Variants in PKN2 observed in about 807,000 individuals in gnomAD.
The protein encoded by PKN2 is serine/threonine-protein kinase N2.
Under a neutral mutation model 119.1 loss-of-function variants are expected in PKN2, and 38 were observed. The ratio of observed to expected loss-of-function variants is 0.32; its 90% CI spans 0.25 to 0.42. The LOEUF is 0.42. Ranked by LOEUF, PKN2 falls within the 10% of genes least tolerant of loss-of-function variation. The probability of loss-of-function intolerance (pLI) is 1.00; values close to 1 mark genes in which losing one functional copy is unlikely to be tolerated. For missense variants in PKN2, 850 were observed against 1,165.1 expected, an observed-to-expected ratio of 0.73 and a Z score of 3.94; for synonymous variants, 390 against 384.9, an observed-to-expected ratio of 1.01 and a Z score of -0.15.
chr1:88,751,288 CACAT>C (rs960554772), intron 2 of PKN2, among the ~76,000 whole-genome samples: 3 of 151,962 alleles, frequency 2.0e-5, no homozygotes, highest in African/African-American at 4.8e-5. Flanking sequence ...CATATATACA[CACAT>C]ACACTCTGGT....
Position 88,801,472 on chromosome 1 carries a change from G to C in PKN2, c.1282-2919G>C, listed in dbSNP as rs547682321. On this transcript the variant is annotated intron_variant, in intron 8 of 21. Transcript: ENST00000370521. The stretch of plus-strand genomic sequence containing the variant: ...CTTCAGTCTATCTGTATGGTACCTT[G>C]TTTTTCAGATACCATGTGACTGTTT... Among the ~76,000 whole-genome samples, 146 of 152,294 alleles carry C rather than the reference G, an allele frequency of 9.6e-4. 1 individual carries two copies. The highest frequency in any genetic ancestry group is 1.9e-3 in the South Asian group (9 of 4,824).
At chr1:88,697,683 CATT>C (rs1381978673) in intron 1 of PKN2, among the ~76,000 whole-genome samples, 3 of 152,156 alleles carry the variant, frequency 2.0e-5, no homozygotes, top group Admixed American at 1.3e-4. Flanking sequence ...TCCAAGCTGT[CATT>C]GTTGTAGCCC....
At chr1:88,698,564 C>T (rs1666635168) in intron 1 of PKN2, among the ~76,000 whole-genome samples, 1 of 152,150 alleles carries the variant, frequency 6.6e-6, no homozygotes, top group Non-Finnish European at 1.5e-5. Flanking sequence ...TAGGCGCTTA[C>T]ATTGCTTAAC....
chr1:88,741,573 G>T (rs1668580761), intron 2 of PKN2, among the ~76,000 whole-genome samples: 1 of 152,040 alleles, frequency 6.6e-6, no homozygotes, highest in Admixed American at 6.6e-5. Context: ...TTAATGTTTT[G>T]TATTGAGTCA....
At chr1:88,796,171 A>C (rs989981539) in intron 8 of PKN2, among the ~76,000 whole-genome samples, 1 of 152,012 alleles carries the variant, frequency 6.6e-6, no homozygotes, top group African/African-American at 2.4e-5. Context: ...TTTTTTTCAG[A>C]TCTTAGAATC....
At chr1:88,767,203 T>A (rs893348907) in intron 3 of PKN2, among the ~76,000 whole-genome samples, 2 of 152,174 alleles carry the variant, frequency 1.3e-5, no homozygotes, top group Admixed American at 6.5e-5. Context: ...ATAATTTTAG[T>A]TTAATGCTTA....
At chr1:88,787,016 T>C (rs986702056) in intron 8 of PKN2, among the ~76,000 whole-genome samples, 1 of 145,356 alleles carries the variant, frequency 6.9e-6, no homozygotes, top group African/African-American at 2.5e-5. Flanking sequence ...CACCAAAACA[T>C]TTTTAAAGCA....
intron 2 of PKN2, among the ~76,000 whole-genome samples, chr1:88,742,609 A>G (rs1238585657): frequency 5.3e-5 from 8 of 152,086 alleles, no homozygotes; most frequent in African/African-American, 1.9e-4. Flanking sequence ...ACACTCTATA[A>G]TTATGTTATA....
chr1:88,801,061 C>T (rs765254899), intron 8 of PKN2, among the ~76,000 whole-genome samples: 30 of 152,182 alleles, frequency 2.0e-4, no homozygotes, highest in African/African-American at 6.3e-4. Flanking sequence ...AAATTGCCGG[C>T]GTACCAGCAA....
chr1:88,711,775 A>G (rs1382143297), intron 1 of PKN2, among the ~76,000 whole-genome samples: 2 of 152,178 alleles, frequency 1.3e-5, no homozygotes, highest in Non-Finnish European at 2.9e-5. Context: ...TCAAAGCTGG[A>G]GGGATAAAAT....
Position 88,784,132 on chromosome 1 carries a change from C to CTTTTTT in PKN2, c.986-490_986-485dup, listed in dbSNP as rs397862410. ...AGACAACTTTTGGGAGATGCTGTTC[C>CTTTTTT]TTTTTTTTTTTTTTTTTTTTTTGGA... On this transcript the variant is annotated intron_variant, in intron 6 of 21. Transcript: ENST00000370521. Among the ~76,000 whole-genome samples the CTTTTTT allele has an allele frequency of 8.5e-3, 879 of 103,916 alleles. 21 individuals carry two copies. The highest frequency in any genetic ancestry group is 0.017 in the African/African-American group (411 of 24,596). 68.2% of individuals were successfully genotyped at this position (103,916 alleles called of 152,430 possible). A position where few individuals can be genotyped will look rare whatever the true frequency, so the allele number is the denominator to read the frequency against.
At chr1:88,734,607 G>A (rs1668267351) in intron 1 of PKN2, among the ~76,000 whole-genome samples, 1 of 152,116 alleles carries the variant, frequency 6.6e-6, no homozygotes, top group Non-Finnish European at 1.5e-5. Flanking sequence ...TATGTAATGT[G>A]TTTTGAAGTC....
intron 3 of PKN2, among the ~76,000 whole-genome samples, chr1:88,763,350 G>A (rs887232574): frequency 1.3e-5 from 2 of 152,110 alleles, no homozygotes; most frequent in Non-Finnish European, 2.9e-5. Context: ...ACTCACGCCT[G>A]TAATCCCAGC....
intron 2 of PKN2, among the ~76,000 whole-genome samples, chr1:88,742,111 A>T (rs1355146053): frequency 1.3e-5 from 2 of 152,134 alleles, no homozygotes; most frequent in Non-Finnish European, 2.9e-5. Context: ...GTTTAAGCCA[A>T]GGCCTCAAGA....
In PKN2 at chr1:88,824,393, G is replaced by A. The variant is rs373456737; in HGVS notation, c.2419+7G>A. The A allele has an allele frequency of 3.6e-5, 55 of 1,520,148 alleles. No homozygotes were observed. The Middle Eastern group carries it at 5.1e-4, about 14-fold the overall frequency. The allele number at this position is 1,520,148 out of a possible 1,614,324, so 94.2% of individuals were successfully genotyped here. ...TTTGGTCTTTGCAAAGAAGGTAATC[G>A]AATGTTTTTAAGTTTCTTTTCTGAT... On this transcript the variant is annotated splice_region_variant and intron_variant, in intron 18 of 21. Coordinates refer to ENST00000370521, the MANE Select transcript of PKN2 (RefSeq NM_006256.4).
Position 88,741,005 on chromosome 1 carries a change from TC to T in PKN2, c.68del (p.Pro23ArgfsTer6). The T allele has an allele frequency of 6.4e-7, 1 of 1,569,766 alleles. No homozygotes were observed. The highest frequency in any genetic ancestry group is 8.6e-7 in the Non-Finnish European group (1 of 1,164,264). The part of the protein sequence containing the change: ...TELQGDSRSL[P>X]FSENVSAVQK... ...TTCTGTAGGGGGATTCCCGAAGTCT[TC>T]CGTTTTCTGAGAATGTGAGTGCTGT... On this transcript the variant is annotated frameshift_variant, in exon 2 of 22. Transcript: ENST00000370521. LOFTEE classifies it high-confidence loss of function.
At chr1:88,800,240 A>C (rs918617827) in intron 8 of PKN2, among the ~76,000 whole-genome samples, 4 of 152,176 alleles carry the variant, frequency 2.6e-5, no homozygotes, top group African/African-American at 7.2e-5. Flanking sequence ...CAACAGTTCC[A>C]TTTATTAAGA....
intron 8 of PKN2, 90 bp downstream of exon 8, chr1:88,786,303 C>T (rs1467113957): frequency 5.0e-6 from 3 of 603,732 alleles, no homozygotes; most frequent in African/African-American, 3.8e-5. Flanking sequence ...AAGTTGTATT[C>T]TTAACAAGAA....
Position 88,828,523 on chromosome 1 carries a change from C to T in PKN2, c.2462C>T (p.Pro821Leu), listed in dbSNP as rs549143118. 6.2e-7 allele frequency: 1 copy of T among 1,612,560 alleles called. No individual in the cohort carries two copies. The highest frequency in any genetic ancestry group is 1.1e-5 in the South Asian group (1 of 91,004). Reference protein sequence around the residue: ...GDRTSTFCGTPEFLAPEVLTE... With the variant: ...GDRTSTFCGTLEFLAPEVLTE... ...AGAACAAGCACATTTTGTGGCACTC[C>T]TGAATTTCTTGCCCCAGAAGTATTA... is the stretch of plus-strand genomic sequence containing the variant. Residue 821 changes from proline (P) to leucine (L), a missense_variant, in exon 19 of 22, where the codon CCT becomes CTT. Coordinates refer to ENST00000370521, the MANE Select transcript of PKN2 (RefSeq NM_006256.4).
Sources: allele counts gnomAD v4.1 joint callset (sites outside exome capture counted in the v4.1 genomes callset), GRCh38; gene constraint gnomAD v4.1.1; transcripts MANE v1.5; gene names NCBI Gene and HGNC (gene_info 2026-07-23, HGNC 2026-07-21).